SPIN1: variants seen among roughly 807,000 people sequenced by gnomAD.
The protein encoded by SPIN1 is spindlin 1, also known as spindlin-1.
SPIN1 carries 3 observed loss-of-function variants against 26.0 expected under a neutral mutation model. The observed-to-expected ratio is 0.12, with a 90% confidence interval of 0.05 to 0.30. SPIN1 has a LOEUF of 0.30. Ranked by LOEUF, SPIN1 falls within the 10% of genes least tolerant of loss-of-function variation. SPIN1 has a pLI of 1.00. For synonymous variants in SPIN1, 101 were observed against 116.5 expected (o/e 0.87, Z 0.86); for missense variants, 126 against 333.4 (o/e 0.38, Z 4.84).
intron 2 of SPIN1, among the ~76,000 whole-genome samples, chr9:88,437,277 C>G (rs1828022276): frequency 6.6e-6 from 1 of 151,894 alleles, no homozygotes; most frequent in Non-Finnish European, 1.5e-5. Flanking sequence ...GTAGGCCGAT[C>G]TCTTGAGCCT....
intron 1 of SPIN1, among the ~76,000 whole-genome samples, chr9:88,397,781 C>G (rs1827098124): frequency 6.6e-6 from 1 of 151,996 alleles, no homozygotes; most frequent in Non-Finnish European, 1.5e-5. Context: ...GCCACCATGC[C>G]TGGCTAATTT....
intron 2 of SPIN1, among the ~76,000 whole-genome samples, chr9:88,437,305 C>T (rs918242522): frequency 1.3e-5 from 2 of 151,830 alleles, no homozygotes; most frequent in African/African-American, 4.8e-5. Flanking sequence ...CTAGATCAGC[C>T]TGGGCAACAT....
chr9:88,402,631 C>T (rs903505187), intron 1 of SPIN1, among the ~76,000 whole-genome samples: 19 of 152,070 alleles, frequency 1.2e-4, no homozygotes, highest in African/African-American at 4.3e-4. Context: ...CATGTTGCTG[C>T]AAACATTTTA....
intron 1 of SPIN1, among the ~76,000 whole-genome samples, chr9:88,388,994 C>T (rs1258901067): frequency 7.9e-6 from 1 of 126,246 alleles, no homozygotes; most frequent in Non-Finnish European, 1.7e-5. Flanking sequence ...AATCCCGGGC[C>T]GGCGACGGGG....
intron 1 of SPIN1, among the ~76,000 whole-genome samples, chr9:88,403,919 C>G (rs779142737): frequency 6.6e-6 from 1 of 152,070 alleles, no homozygotes; most frequent in African/African-American, 2.4e-5. Flanking sequence ...AGAATATGTT[C>G]TGAGAACTGC....
intron 2 of SPIN1, among the ~76,000 whole-genome samples, chr9:88,442,972 T>C (rs961317322): frequency 6.6e-6 from 1 of 151,860 alleles, no homozygotes; most frequent in African/African-American, 2.4e-5. Flanking sequence ...ATACAAGAAT[T>C]AGCTGGGCGT....
At chr9:88,444,555 T>A (rs1328179396) in intron 2 of SPIN1, among the ~76,000 whole-genome samples, 1 of 150,912 alleles carries the variant, frequency 6.6e-6, no homozygotes, top group Admixed American at 6.6e-5. Context: ...CATTCTGTTT[T>A]TATAATATCT....
intron 2 of SPIN1, among the ~76,000 whole-genome samples, chr9:88,439,177 G>A (rs1828068798): frequency 6.6e-6 from 1 of 152,178 alleles, no homozygotes; most frequent in South Asian, 2.1e-4. Flanking sequence ...CTGCTACTGT[G>A]CTGCTTAGAT....
At chr9:88,434,316 A>G (rs559647081) in intron 2 of SPIN1, among the ~76,000 whole-genome samples, 5 of 151,356 alleles carry the variant, frequency 3.3e-5, no homozygotes, top group African/African-American at 9.6e-5. Context: ...TTTATAATTT[A>G]TAAAATTATT....
intron 1 of SPIN1, among the ~76,000 whole-genome samples, chr9:88,394,910 C>A (rs985652936): frequency 1.9e-4 from 28 of 150,466 alleles, no homozygotes; most frequent in Admixed American, 3.3e-4. Flanking sequence ...CCCGGGTTCA[C>A]GCCATTCTCC....
chr9:88,443,121 AAAAAAAAAAAAAAC>A (rs1828172125), intron 2 of SPIN1, among the ~76,000 whole-genome samples: 1 of 128,630 alleles, frequency 7.8e-6, no homozygotes, highest in African/African-American at 4.5e-5. Flanking sequence ...CTCCATCTCA[AAAAAAAAAAAAAAC>A]AAAAAAAAAC....
At chr9:88,388,906 G>C (rs1028296548) in intron 1 of SPIN1, among the ~76,000 whole-genome samples, 3 of 151,168 alleles carry the variant, frequency 2.0e-5, no homozygotes, top group Admixed American at 6.6e-5. Context: ...CGGCGGGCAG[G>C]GGGCGGCGGC....
intron 4 of SPIN1, among the ~76,000 whole-genome samples, chr9:88,463,857 A>C (rs1412838383): frequency 6.6e-6 from 1 of 152,144 alleles, no homozygotes; most frequent in Non-Finnish European, 1.5e-5. Context: ...CTCTTGATGC[A>C]CATCCTACAT....
At chr9:88,405,998 TGTGTGTC>T (rs920427099) in intron 1 of SPIN1, among the ~76,000 whole-genome samples, 4 of 84,802 alleles carry the variant, frequency 4.7e-5, no homozygotes, top group African/African-American at 3.7e-4. Context: ...GTGCCTGGCT[TGTGTGTC>T]TGTGTGTGTG....
chr9:88,402,809 C>T (rs1217553129), intron 1 of SPIN1, among the ~76,000 whole-genome samples: 1 of 152,070 alleles, frequency 6.6e-6, no homozygotes, highest in Non-Finnish European at 1.5e-5. Flanking sequence ...GAATTCTTTT[C>T]CTTTGGATAA....
rs1430563087 is a variant in SPIN1, at chr9:88,477,242, A to G, written c.*1965A>G. 6.6e-6 allele frequency: 1 copy of G among 152,228 alleles called. No homozygotes were observed. Among genetic ancestry groups the G allele is most frequent in the Non-Finnish European group, 1.5e-5 (1 of 68,048 alleles). The allele number at this position is 152,228 out of a possible 1,614,324, so 9.4% of individuals were successfully genotyped here. A position where few individuals can be genotyped will look rare whatever the true frequency, so the allele number is the denominator to read the frequency against. ...CTCCCAGAGTCCAGACTGACATTAC[A>G]GCGCAAGAGTTTGCAAGTGTGTCCA... On this transcript the variant is annotated 3_prime_UTR_variant, in exon 6 of 6. Transcript: ENST00000375859.
In SPIN1 at chr9:88,475,330, A is replaced by G. The variant is rs1828869763; in HGVS notation, c.*53A>G. The G allele has an allele frequency of 2.6e-6, 4 of 1,554,816 alleles. No individual in the cohort carries two copies. The East Asian group carries it at 6.8e-5, about 26-fold the overall frequency. ...TGGAACTATGAAATGTATTATTTGT[A>G]GACATAAAGACTTGATTGCTTTCCA... On this transcript the variant is annotated 3_prime_UTR_variant, in exon 6 of 6. Transcript: ENST00000375859.
At chr9:88,418,221 GA>G (rs765784023) in intron 1 of SPIN1, among the ~76,000 whole-genome samples, 1 of 152,106 alleles carries the variant, frequency 6.6e-6, no homozygotes, top group Non-Finnish European at 1.5e-5. Context: ...GGTTCCCCTG[GA>G]AATCAAACCA....
In SPIN1 at chr9:88,426,525, C is replaced by T. The variant is rs1587790941; in HGVS notation, c.-15C>T. 6.2e-7 allele frequency: 1 copy of T among 1,612,778 alleles called. No individual in the cohort carries two copies. The highest frequency in any genetic ancestry group is 8.5e-7 in the Non-Finnish European group (1 of 1,179,092). ...CCTAGTCCAGCAGCTCCGCTGCTCA[C>T]TTAAATACAGATGAATGAAGACCCC... On this transcript the variant is annotated 5_prime_UTR_variant, in exon 2 of 6. Transcript: ENST00000375859.
Sources: gnomAD v4.1 joint callset for allele counts (sites outside exome capture counted in the v4.1 genomes callset) on GRCh38, gnomAD v4.1.1 for gene constraint, MANE v1.5 for transcripts, NCBI Gene and HGNC (gene_info 2026-07-23, HGNC 2026-07-21) for gene names.